The following SLC14A2 variants were observed in gnomAD, a reference collection of about 807,000 sequenced individuals.
SLC14A2 encodes the protein urea transporter 2.
A neutral mutation model predicts 104.6 loss-of-function variants in SLC14A2; 91 were observed. That is an observed-to-expected ratio of 0.87 (90% confidence interval 0.73 to 1.04). The LOEUF (loss-of-function observed/expected upper bound fraction) is 1.04. SLC14A2 is among the 50% of genes least tolerant of loss of function. The probability of loss-of-function intolerance (pLI) is 0.00; values close to 1 mark genes in which losing one functional copy is unlikely to be tolerated. For synonymous variants in SLC14A2, 476 were observed against 466.4 expected (o/e 1.02, Z -0.27); for missense variants, 1,189 against 1,156.0 (o/e 1.03, Z -0.41).
intron 10 of SLC14A2, among the ~76,000 whole-genome samples, chr18:45,649,668 C>G (rs1160025057): frequency 1.3e-5 from 2 of 152,174 alleles, no homozygotes; most frequent in African/African-American, 4.8e-5. Context: ...TTCTTTGACC[C>G]TTTGCATGTC....
At chr18:45,665,767 G>A (rs1351976233) in intron 11 of SLC14A2, among the ~76,000 whole-genome samples, 2 of 128,056 alleles carry the variant, frequency 1.6e-5, no homozygotes, top group African/African-American at 3.0e-5. Flanking sequence ...CCTGGATTCC[G>A]GGATCAAGCA....
Position 45,632,471 on chromosome 18 carries a change from A to C in SLC14A2, c.643A>C (p.Met215Leu), listed in dbSNP as rs780122056. The change falls in exon 5 of 20, where the codon ATG becomes CTG. Residue 215 changes from methionine (M) to leucine (L), a missense_variant. Transcript: ENST00000255226. ...WLLFPVTFTA[M>L]SCPVLSSALN... ...TCTGTTTCCTGTGACCTTCACAGCC[A>C]TGTCCTGGTGAGGCACCTCATTTTT... The C allele has an allele frequency of 6.8e-6, 11 of 1,613,478 alleles. No individual in the cohort carries two copies. The highest frequency in any genetic ancestry group is 8.5e-6 in the Non-Finnish European group (10 of 1,179,834).
At chr18:45,656,301 G>A (rs1255916041) in intron 10 of SLC14A2, among the ~76,000 whole-genome samples, 1 of 141,274 alleles carries the variant, frequency 7.1e-6, no homozygotes, top group East Asian at 2.0e-4. Flanking sequence ...TAGGCAAGAA[G>A]AGGGATGGAG....
chr18:45,542,061 T>G (rs868457035), intron 2 of SLC14A2, among the ~76,000 whole-genome samples: 10,633 of 137,782 alleles, frequency 0.077, 640 homozygotes, highest in Non-Finnish European at 0.11. Flanking sequence ...TTTTTTTTTT[T>G]TTTTTTTTTT....
intron 2 of SLC14A2, among the ~76,000 whole-genome samples, chr18:45,498,302 C>A (rs1192375647): frequency 6.6e-6 from 1 of 152,196 alleles, no homozygotes; most frequent in Non-Finnish European, 1.5e-5. Flanking sequence ...ACTGAAATCA[C>A]CCTCAGAAGA....
chr18:45,681,843 T>C (rs1173728325), intron 19 of SLC14A2, among the ~76,000 whole-genome samples: 1 of 152,212 alleles, frequency 6.6e-6, no homozygotes, highest in Non-Finnish European at 1.5e-5. Context: ...CACCTGCCTA[T>C]AGGAAGCAGT....
chr18:45,239,972 T>A (rs548518671), intron 1 of SLC14A2, among the ~76,000 whole-genome samples: 2 of 152,178 alleles, frequency 1.3e-5, no homozygotes, highest in Non-Finnish European at 2.9e-5. Flanking sequence ...GGCTGAATAA[T>A]GTTTAATTGT....
intron 1 of SLC14A2, among the ~76,000 whole-genome samples, chr18:45,478,497 A>C (rs575194521): frequency 1.3e-5 from 2 of 152,258 alleles, no homozygotes; most frequent in African/African-American, 4.8e-5. Context: ...ATGGTAACAC[A>C]ATTTGGTACT....
chr18:45,189,849 A>G, the SLC14A2 span, among the ~76,000 whole-genome samples: 2 of 152,162 alleles, frequency 1.3e-5, no homozygotes, highest in South Asian at 2.1e-4. Context: ...AGCCAGGAGT[A>G]TGTGTGTCAG....
chr18:45,679,133 A>G, intron 19 of SLC14A2, 109 bp downstream of exon 19: 2 of 1,001,396 alleles, frequency 2.0e-6, no homozygotes, highest in Non-Finnish European at 3.0e-6. Flanking sequence ...TCCCCAGTTC[A>G]TCTCCCTTAT....
At chr18:45,231,176 A>G (rs60729234) in intron 1 of SLC14A2, among the ~76,000 whole-genome samples, 18,958 of 152,088 alleles carry the variant, frequency 0.12, 1,363 homozygotes, top group African/African-American at 0.2. Flanking sequence ...CTGAAATATT[A>G]ACATCTTGAT....
rs2045312507 is a variant in SLC14A2, at chr18:45,629,531, C to A, written c.521+2384C>A. ...AAATTTACCTGGGGTGAACTCTGTC[C>A]AGCCCACTGCCTTCTTAGCTGTGTG... On this transcript the variant is annotated intron_variant, in intron 4 of 19. Coordinates refer to ENST00000255226, the MANE Select transcript of SLC14A2 (RefSeq NM_007163.4). 2.6e-5 allele frequency among the ~76,000 whole-genome samples: 4 copies of A among 152,116 alleles called. No individual in the cohort carries two copies. The South Asian group carries it at 8.3e-4, about 32-fold the overall frequency.
rs185883172 is a variant in SLC14A2 at position 45,290,007 on chromosome 18, C to A, written c.-125+76816C>A. 5.8e-4 allele frequency among the ~76,000 whole-genome samples: 88 copies of A among 152,286 alleles called. 1 individual carries two copies. Among genetic ancestry groups the A allele is most frequent in the Admixed American group, 4.3e-3 (66 of 15,298 alleles). ...AGTTATTGATAATAACTTTGACAGA[C>A]CTTCAATTGCCAAGATCCCATCTGT... On this transcript the variant is annotated intron_variant, in intron 1 of 20. Coordinates refer to the SLC14A2 transcript ENST00000586448.
chr18:45,667,771 C>A, intron 13 of SLC14A2, 62 bp from the exon 14 acceptor site: 1 of 1,395,362 alleles, frequency 7.2e-7, no homozygotes. Flanking sequence ...CACCCTCCAT[C>A]TGCCCACCCA....
At chr18:45,597,334 A>AAAAGAAAG (rs201495622) in intron 2 of SLC14A2, among the ~76,000 whole-genome samples, 2 of 152,008 alleles carry the variant, frequency 1.3e-5, no homozygotes, top group Non-Finnish European at 2.9e-5. Flanking sequence ...TCTCAAAAAA[A>AAAAGAAAG]AAAGAAAGAA....
At chr18:45,333,280 A>T (rs1348987402) in intron 1 of SLC14A2, among the ~76,000 whole-genome samples, 1 of 152,166 alleles carries the variant, frequency 6.6e-6, no homozygotes, top group Non-Finnish European at 1.5e-5. Context: ...ATAGAGGCAA[A>T]AAAAAATCCT....
intron 18 of SLC14A2, among the ~76,000 whole-genome samples, chr18:45,676,309 G>A (rs749170646): frequency 2.6e-5 from 4 of 152,142 alleles, no homozygotes; most frequent in East Asian, 1.9e-4. Context: ...CAGGTGGCCC[G>A]GTGGGGAGGT....
intron 2 of SLC14A2, among the ~76,000 whole-genome samples, chr18:45,589,828 C>T (rs991543301): frequency 6.6e-6 from 1 of 152,048 alleles, no homozygotes; most frequent in Admixed American, 6.6e-5. Context: ...AGTGGCAAGG[C>T]TGGGGCAGGG....
At chr18:45,206,182 G>GT in the SLC14A2 span, among the ~76,000 whole-genome samples, 80 of 152,316 alleles carry the variant, frequency 5.3e-4, no homozygotes, top group Middle Eastern at 3.4e-3. Flanking sequence ...ATGAAATCAA[G>GT]TTTTTGGCCT....
Sources: allele counts gnomAD v4.1 joint callset (sites outside exome capture counted in the v4.1 genomes callset), GRCh38; gene constraint gnomAD v4.1.1; transcripts MANE v1.5; gene names NCBI Gene and HGNC (gene_info 2026-07-23, HGNC 2026-07-21).